Variants in TP53I13 observed in about 807,000 individuals in gnomAD.
The protein encoded by TP53I13 is tumor protein p53-inducible protein 13.
TP53I13 carries 27 observed loss-of-function variants against 39.1 expected under a neutral mutation model. The ratio of observed to expected loss-of-function variants is 0.69; its 90% CI spans 0.51 to 0.95. The LOEUF is 0.95. Among genes scored for constraint, TP53I13 ranks in the 40% least tolerant of loss-of-function variants. The pLI is 0.00. For missense variants in TP53I13, 544 were observed against 520.4 expected (o/e 1.05, Z -0.44); for synonymous variants, 230 against 224.6 (o/e 1.02, Z -0.22).
downstream of TP53I13, chr17:29,577,693 G>A (rs11080105): frequency 0.42 from 672,207 of 1,610,806 alleles, 146,221 homozygotes; most frequent in East Asian, 0.66. Context: ...GGAAGGGCAC[G>A]GCACTGCGCT....
upstream of TP53I13, among the ~76,000 whole-genome samples, chr17:29,567,732 C>T (rs966730936): frequency 6.6e-6 from 1 of 152,104 alleles, no homozygotes; most frequent in Non-Finnish European, 1.5e-5. This position sits in a 1 kb window ranked among gnomAD's most constrained non-coding sequence, Gnocchi z 6.6. Context: ...CCCAAGCCTC[C>T]GAGAGTCAGT....
chr17:29,581,246 A>T, the TP53I13 span: 23 of 891,932 alleles, frequency 2.6e-5, no homozygotes, highest in African/African-American at 2.3e-4. This position sits in a 1 kb window ranked among gnomAD's most constrained non-coding sequence, Gnocchi z 4.8. Context: ...GCAGGGTCCT[A>T]GGCCTCTGAA....
At chr17:29,567,038 G>A (rs1388841232), upstream of TP53I13, 12 of 1,195,276 alleles carry the variant, frequency 1.0e-5, no homozygotes, top group Non-Finnish European at 1.2e-5. This position sits in a 1 kb window ranked among gnomAD's most constrained non-coding sequence, Gnocchi z 6.6. Flanking sequence ...CGCTTTGCCC[G>A]CGGCTCCGCC....
At chr17:29,576,159 T>C (rs748099639), downstream of TP53I13, 17 of 1,612,454 alleles carry the variant, frequency 1.1e-5, no homozygotes, top group Middle Eastern at 1.6e-4. Context: ...GCGAGCGTCA[T>C]GGTGGACCCT....
chr17:29,572,021 C>T lies in TP53I13; in HGVS notation c.477C>T (p.Pro159=), dbSNP rs375070078. Residue 159 remains proline (P), a synonymous_variant, in exon 5 of 7, where the codon CCC becomes CCT. Coordinates refer to ENST00000301057, the MANE Select transcript of TP53I13 (RefSeq NM_138349.4). ...LSGPAPSEPT[P]GRGRLCRRGC... Reference sequence around the variant, plus strand: ...GGCCTGCTCCCTCCGAGCCAACTCCCGGTAGAGGGAGGCTGTGCCGAAGAG... The same window carrying T: ...GGCCTGCTCCCTCCGAGCCAACTCCTGGTAGAGGGAGGCTGTGCCGAAGAG... The T allele has an allele frequency of 2.0e-5, 32 of 1,613,036 alleles. No individual in the cohort carries two copies. Among genetic ancestry groups the T allele is most frequent in the Non-Finnish European group, 2.4e-5 (28 of 1,180,028 alleles).
At chr17:29,576,871 G>A (rs2033224779), downstream of TP53I13, 1 of 1,575,708 alleles carries the variant, frequency 6.3e-7, no homozygotes, top group Non-Finnish European at 8.6e-7. Context: ...ACCCGGGCCC[G>A]GTTGCTCCGA....
At chr17:29,568,671 G>GGGGGCGCGGGGGCGCT (rs1938969121), upstream of TP53I13, 1 of 913,290 alleles carries the variant, frequency 1.1e-6, no homozygotes, top group Non-Finnish European at 1.3e-6. The surrounding 1 kb of genome is among the most constrained non-coding windows in gnomAD (Gnocchi z 4.5). Context: ...CGGGCGGCGC[G>GGGGGCGCGGGGGCGCT]GGGGCGCTGG....
At chr17:29,571,819 A>G (rs895008488) in intron 4 of TP53I13, 38 bp from the exon 5 acceptor site, 3 of 1,612,596 alleles carry the variant, frequency 1.9e-6, no homozygotes, top group Admixed American at 3.3e-5. Context: ...GTTTGTCCCC[A>G]CCTTCCTCGT....
chr17:29,577,305 C>T (rs887595969), downstream of TP53I13: 30 of 1,266,026 alleles, frequency 2.4e-5, no homozygotes, highest in Admixed American at 1.6e-4. Context: ...TGACGCAGGA[C>T]GGCAGGGACC....
chr17:29,567,657 G>A (rs2032756650), upstream of TP53I13, among the ~76,000 whole-genome samples: 1 of 152,018 alleles, frequency 6.6e-6, no homozygotes, highest in South Asian at 2.1e-4. The surrounding 1 kb of genome is among the most constrained non-coding windows in gnomAD (Gnocchi z 6.6). Context: ...CCCCGTCCCC[G>A]CGAGCTCGGG....
chr17:29,567,020 G>T (rs2032734437), upstream of TP53I13: 2 of 1,244,710 alleles, frequency 1.6e-6, no homozygotes, highest in Non-Finnish European at 2.0e-6. This position sits in a 1 kb window ranked among gnomAD's most constrained non-coding sequence, Gnocchi z 6.6. Flanking sequence ...TCTACTCGGC[G>T]AGCTCCGCGC....
At chr17:29,578,954 C>A in the TP53I13 span, 1 of 1,613,596 alleles carries the variant, frequency 6.2e-7, no homozygotes, top group Non-Finnish European at 8.5e-7. Flanking sequence ...CCGGCAGGCA[C>A]CATATACCTC....
At chr17:29,566,988 C>A, upstream of TP53I13, 1 of 1,292,002 alleles carries the variant, frequency 7.7e-7, no homozygotes, top group South Asian at 2.5e-5. Context: ...AGAGCCCCGG[C>A]GGGCAGCGGG....
At chr17:29,578,316 C>T in the TP53I13 span, 1 of 1,614,046 alleles carries the variant, frequency 6.2e-7, no homozygotes, top group Non-Finnish European at 8.5e-7. Flanking sequence ...ATTTTCTCTT[C>T]GATCCACCTC....
At position 29,571,948 on chromosome 17, in the gene TP53I13, G is replaced by T. The variant is rs544883112; in HGVS notation, c.404G>T (p.Arg135Met). Reference sequence around the variant, plus strand: ...CACTGGCTGATGAGGAGGCGGAGGAGGAAGCAGAGGAAGAAGAAGGCATGG... The same window carrying T: ...CACTGGCTGATGAGGAGGCGGAGGATGAAGCAGAGGAAGAAGAAGGCATGG... ...AAHWLMRRRR[R>M]KQRKKKAWIY... Residue 135 changes from arginine (R) to methionine (M), a missense_variant, in exon 5 of 7, where the codon AGG becomes ATG. Transcript: ENST00000301057. The T allele has an allele frequency of 6.2e-7, 1 of 1,613,074 alleles. No homozygotes were observed. The highest frequency in any genetic ancestry group is 1.1e-5 in the South Asian group (1 of 91,086).
rs1472875231 is a variant in TP53I13 at position 29,571,844 on chromosome 17, C to T, written c.313-13C>T. The T allele has an allele frequency of 2.1e-5, 34 of 1,613,146 alleles. No homozygotes were observed. The highest frequency in any genetic ancestry group is 2.6e-5 in the Non-Finnish European group (31 of 1,179,920). On this transcript the variant is annotated splice_polypyrimidine_tract_variant and intron_variant, in intron 4 of 6. Transcript: ENST00000301057. ...ACCTTCCTCGTAGCTCTAACAGTTACCTCCTCTCGTAGCCCCTGGTGCTGA... is the reference window on the plus strand; with the variant it reads ...ACCTTCCTCGTAGCTCTAACAGTTATCTCCTCTCGTAGCCCCTGGTGCTGA...
chr17:29,575,199 C>T (rs1366515211), downstream of TP53I13: 6 of 1,550,866 alleles, frequency 3.9e-6, no homozygotes, highest in Non-Finnish European at 3.5e-6. The surrounding 1 kb of genome is among the most constrained non-coding windows in gnomAD (Gnocchi z 5.5). Context: ...TTCCCAGGGA[C>T]AGCAGAACCC....
chr17:29,568,010 C>T (rs978119425), upstream of TP53I13: 1 of 152,012 alleles, frequency 6.6e-6, no homozygotes, highest in Non-Finnish European at 1.5e-5. This position sits in a 1 kb window ranked among gnomAD's most constrained non-coding sequence, Gnocchi z 4.5. Flanking sequence ...CATCTCGCGG[C>T]GACCAATCTC....
the TP53I13 span, chr17:29,578,464 G>C: frequency 8.2e-7 from 1 of 1,213,602 alleles, no homozygotes; most frequent in South Asian, 1.2e-5. Flanking sequence ...TGGGGAACCG[G>C]TGGCCTTCCT....
Sources: gnomAD v4.1 joint callset for allele counts (sites outside exome capture counted in the v4.1 genomes callset) on GRCh38, gnomAD v4.1.1 for gene constraint, Gnocchi (gnomAD v3.1) non-coding constraint, MANE v1.5 for transcripts, NCBI Gene and HGNC (gene_info 2026-07-23, HGNC 2026-07-21) for gene names.